The following SYT16 variants were observed in gnomAD, a reference collection of about 807,000 sequenced individuals.
The protein encoded by SYT16 is synaptotagmin-16.
A neutral mutation model predicts 61.4 loss-of-function variants in SYT16; 42 were observed. That is an observed-to-expected ratio of 0.68 (90% CI 0.53 to 0.89). The LOEUF (loss-of-function observed/expected upper bound fraction) is 0.89. Ranked by LOEUF, SYT16 falls within the 40% of genes least tolerant of loss-of-function variation. SYT16 has a pLI of 0.00. For synonymous variants in SYT16, 314 were observed against 302.3 expected (o/e 1.04, Z -0.40); for missense variants, 804 against 807.3 (o/e 1.00, Z 0.05).
At chr14:61,953,453 C>G (rs546487043) in intron 1 of SYT16, among the ~76,000 whole-genome samples, 2 of 151,976 alleles carry the variant, frequency 1.3e-5, no homozygotes, top group Non-Finnish European at 2.9e-5. Flanking sequence ...TCCAGGAGAC[C>G]TCTCTCTTGT....
chr14:62,057,189 A>C (rs1162223636), intron 3 of SYT16, among the ~76,000 whole-genome samples: 1 of 152,180 alleles, frequency 6.6e-6, no homozygotes, highest in Non-Finnish European at 1.5e-5. Context: ...CTCAAATGCC[A>C]ATCTCCTTTG....
chr14:61,898,889 A>G (rs2140353544), intron 1 of SYT16, among the ~76,000 whole-genome samples: 1 of 152,310 alleles, frequency 6.6e-6, no homozygotes, highest in Non-Finnish European at 1.5e-5. Flanking sequence ...ACAACTCTAG[A>G]GAAGAGAGGG....
At chr14:62,029,524 C>G (rs1238768433) in intron 3 of SYT16, among the ~76,000 whole-genome samples, 1 of 152,150 alleles carries the variant, frequency 6.6e-6, no homozygotes, top group Non-Finnish European at 1.5e-5. Flanking sequence ...CTAAAAATGA[C>G]ATGTTACACT....
rs2057552155 is a variant in SYT16, at chr14:62,108,585, T to A, written c.*7878T>A. 1 of 152,218 alleles carries A rather than the reference T, an allele frequency of 6.6e-6. No individual in the cohort carries two copies. The highest frequency in any genetic ancestry group is 2.4e-5 in the African/African-American group (1 of 41,468). The allele number at this position is 152,218 out of a possible 1,614,324, so 9.4% of individuals were successfully genotyped here. ...AATTTTGCCACATTTCCTTGTGGGTTATGATAATCTTTATTAATTCACAAC... is the reference window on the plus strand; with the variant it reads ...AATTTTGCCACATTTCCTTGTGGGTAATGATAATCTTTATTAATTCACAAC... On this transcript the variant is annotated 3_prime_UTR_variant, in exon 8 of 8. Coordinates refer to ENST00000683842, the MANE Select transcript of SYT16 (RefSeq NM_001367656.1).
chr14:62,076,598 T>C (rs903590210), intron 5 of SYT16, among the ~76,000 whole-genome samples: 2 of 152,134 alleles, frequency 1.3e-5, no homozygotes, highest in Non-Finnish European at 2.9e-5. Flanking sequence ...AGCTCACATA[T>C]GTGGTTTGTG....
chr14:61,848,582 G>A (rs1196116366), intron 1 of SYT16, among the ~76,000 whole-genome samples: 2 of 152,158 alleles, frequency 1.3e-5, no homozygotes, highest in East Asian at 3.9e-4. Context: ...CCTGGGTACT[G>A]CCTATGTTTG....
chr14:62,046,853 G>A (rs1240280864), intron 3 of SYT16, among the ~76,000 whole-genome samples: 1 of 152,194 alleles, frequency 6.6e-6, no homozygotes, highest in Non-Finnish European at 1.5e-5. Context: ...TTTGGTTACT[G>A]TAGCCTTGTA....
chr14:62,044,222 C>T (rs982066990), intron 3 of SYT16, among the ~76,000 whole-genome samples: 12 of 150,552 alleles, frequency 8.0e-5, no homozygotes, highest in East Asian at 1.9e-4. Flanking sequence ...AAATAGGAAA[C>T]GAAAGAGAAA....
chr14:61,963,724 A>C (rs1400400827), intron 1 of SYT16, among the ~76,000 whole-genome samples: 1 of 152,178 alleles, frequency 6.6e-6, no homozygotes, highest in East Asian at 1.9e-4. Context: ...CTGGAAGAAG[A>C]GGCCACCTAG....
At chr14:61,946,084 A>G (rs1045583109) in intron 1 of SYT16, among the ~76,000 whole-genome samples, 3 of 152,076 alleles carry the variant, frequency 2.0e-5, no homozygotes, top group Non-Finnish European at 2.9e-5. Flanking sequence ...GAGGAGAGAT[A>G]GCATTAGGAG....
intron 3 of SYT16, among the ~76,000 whole-genome samples, chr14:62,067,292 T>C (rs1381373527): frequency 6.6e-6 from 1 of 152,040 alleles, no homozygotes; most frequent in Non-Finnish European, 1.5e-5. Flanking sequence ...TCATGGAAGT[T>C]ATAGGGGAGA....
In SYT16 at chr14:62,104,804, CT is replaced by C. The variant is rs2057484886; in HGVS notation, c.*4098del. 1 of 152,122 alleles carries C rather than the reference CT, an allele frequency of 6.6e-6. No individual in the cohort carries two copies. The highest frequency in any genetic ancestry group is 1.5e-5 in the Non-Finnish European group (1 of 68,028). 9.4% of individuals were successfully genotyped at this position (152,122 alleles called of 1,614,324 possible). On this transcript the variant is annotated 3_prime_UTR_variant, in exon 8 of 8. Coordinates refer to ENST00000683842, the MANE Select transcript of SYT16 (RefSeq NM_001367656.1). ...CCAGCCTGTATCCTGGTTTCTTCAA[CT>C]GGAAAATGGAAATAATACCTACCTC...
At chr14:61,820,469 GTTTTT>G (rs71117856) in intron 1 of SYT16, among the ~76,000 whole-genome samples, 5 of 61,090 alleles carry the variant, frequency 8.2e-5, no homozygotes, top group African/African-American at 2.8e-4. Context: ...CCTCTTCAGA[GTTTTT>G]TTTTTTTTTT....
intron 3 of SYT16, among the ~76,000 whole-genome samples, chr14:62,068,188 A>G (rs920176393): frequency 1.1e-4 from 16 of 152,190 alleles, no homozygotes; most frequent in African/African-American, 3.9e-4. Context: ...ATTGTGGTAC[A>G]TAAATATGCC....
chr14:62,030,002 A>C (rs1346206805), intron 3 of SYT16, among the ~76,000 whole-genome samples: 2 of 152,102 alleles, frequency 1.3e-5, no homozygotes, highest in African/African-American at 4.8e-5. Flanking sequence ...AGAAGGCTTC[A>C]CTTGCCAGTT....
intron 3 of SYT16, among the ~76,000 whole-genome samples, chr14:62,068,072 C>T (rs1034251603): frequency 6.6e-6 from 1 of 152,116 alleles, no homozygotes; most frequent in African/African-American, 2.4e-5. Flanking sequence ...GTGAAATCAC[C>T]ACCTCATAAA....
chr14:61,975,737 C>G (rs9323378), intron 2 of SYT16, among the ~76,000 whole-genome samples: 67,955 of 151,948 alleles, frequency 0.45, 15,744 homozygotes, highest in East Asian at 0.75. Flanking sequence ...AACTTCTCCT[C>G]TAGCTCTGGG....
At chr14:61,841,612 C>T (rs1039826121) in intron 1 of SYT16, among the ~76,000 whole-genome samples, 6 of 152,140 alleles carry the variant, frequency 3.9e-5, no homozygotes, top group Admixed American at 2.0e-4. Context: ...CTAGTGTACC[C>T]ATCAACCAAA....
chr14:62,055,583 A>T (rs2055516322), intron 3 of SYT16, among the ~76,000 whole-genome samples: 1 of 152,032 alleles, frequency 6.6e-6, no homozygotes, highest in African/African-American at 2.4e-5. Context: ...TTTATCTTTG[A>T]TGGATTTGGT....
Sources: allele counts gnomAD v4.1 joint callset (sites outside exome capture counted in the v4.1 genomes callset), GRCh38; gene constraint gnomAD v4.1.1; transcripts MANE v1.5; gene names NCBI Gene and HGNC (gene_info 2026-07-23, HGNC 2026-07-21).